CSTPP1: variants seen among roughly 807,000 people sequenced by gnomAD.
CSTPP1 encodes centriolar satellite-associated tubulin polyglutamylase complex regulator 1.
the CSTPP1 span, among the ~76,000 whole-genome samples, chr11:46,963,599 C>T: frequency 1.3e-4 from 19 of 151,926 alleles, no homozygotes; most frequent in Non-Finnish European, 2.8e-4. Flanking sequence ...GCCTGGCCAA[C>T]ATGGTGAAAC....
the CSTPP1 span, among the ~76,000 whole-genome samples, chr11:47,051,108 TC>T: frequency 3.3e-5 from 5 of 151,998 alleles, no homozygotes; most frequent in African/African-American, 4.8e-5. Context: ...GTCAGATTTT[TC>T]CCCCCCTTTA....
the CSTPP1 span, among the ~76,000 whole-genome samples, chr11:47,027,068 G>C: frequency 5.9e-5 from 9 of 152,124 alleles, no homozygotes; most frequent in Non-Finnish European, 1.0e-4. Flanking sequence ...TATGTGTGCA[G>C]TAACCTTTTC....
the CSTPP1 span, among the ~76,000 whole-genome samples, chr11:46,979,474 G>A: frequency 1.3e-5 from 2 of 152,158 alleles, no homozygotes; most frequent in Non-Finnish European, 2.9e-5. Flanking sequence ...TTATTGCCAT[G>A]ACAAATATTA....
At chr11:46,955,389 G>A in the CSTPP1 span, among the ~76,000 whole-genome samples, 22 of 147,266 alleles carry the variant, frequency 1.5e-4, no homozygotes, top group African/African-American at 4.5e-4. Context: ...TTTCGAGACA[G>A]GGTCTTGCTC....
the CSTPP1 span, among the ~76,000 whole-genome samples, chr11:47,058,683 GT>G: frequency 5.3e-5 from 8 of 152,102 alleles, no homozygotes; most frequent in African/African-American, 1.9e-4. Context: ...TATGTGTTAG[GT>G]AGATGCTATT....
At chr11:47,075,456 T>C in the CSTPP1 span, among the ~76,000 whole-genome samples, 4 of 152,030 alleles carry the variant, frequency 2.6e-5, no homozygotes, top group East Asian at 7.7e-4. Context: ...AAGGAAGACA[T>C]GACAGGAAAT....
chr11:46,990,977 T>C, the CSTPP1 span, among the ~76,000 whole-genome samples: 2 of 152,172 alleles, frequency 1.3e-5, no homozygotes, highest in African/African-American at 4.8e-5. Context: ...GTACTTTCCA[T>C]TGGTCTATGT....
chr11:47,032,900 A>G, the CSTPP1 span, among the ~76,000 whole-genome samples: 1 of 152,224 alleles, frequency 6.6e-6, no homozygotes, highest in Non-Finnish European at 1.5e-5. Context: ...ATAGTCTACT[A>G]TTGACCTTAC....
the CSTPP1 span, among the ~76,000 whole-genome samples, chr11:47,027,307 G>T: frequency 5.3e-5 from 8 of 152,226 alleles, no homozygotes; most frequent in South Asian, 1.7e-3. Flanking sequence ...AAGTTTGAGG[G>T]CTTCAAAGGG....
At chr11:46,964,886 G>A in the CSTPP1 span, among the ~76,000 whole-genome samples, 258 of 152,122 alleles carry the variant, frequency 1.7e-3, no homozygotes, top group African/African-American at 6.0e-3. Context: ...TTCATCTCCC[G>A]GGACTGACTA....
At chr11:46,985,360 A>T in the CSTPP1 span, among the ~76,000 whole-genome samples, 1 of 152,208 alleles carries the variant, frequency 6.6e-6, no homozygotes, top group South Asian at 2.1e-4. Flanking sequence ...ACCAATATTT[A>T]TAAATTTTAG....
chr11:47,105,293 C>T, the CSTPP1 span, among the ~76,000 whole-genome samples: 3 of 152,184 alleles, frequency 2.0e-5, no homozygotes, highest in South Asian at 6.2e-4. Flanking sequence ...TGAGGGGTTC[C>T]AGACTAGCCT....
At chr11:47,162,646 G>A in the CSTPP1 span, among the ~76,000 whole-genome samples, 10 of 152,140 alleles carry the variant, frequency 6.6e-5, no homozygotes, top group Non-Finnish European at 1.2e-4. Flanking sequence ...AGCCAAGACT[G>A]GAGGCAGGTA....
the CSTPP1 span, among the ~76,000 whole-genome samples, chr11:47,014,721 GAGAA>G: frequency 1.5e-5 from 2 of 135,790 alleles, no homozygotes; most frequent in African/African-American, 2.7e-5. Flanking sequence ...GAGAAAGAGA[GAGAA>G]AGAAAGAGAG....
chr11:46,953,672 A>C, the CSTPP1 span, among the ~76,000 whole-genome samples: 2 of 152,228 alleles, frequency 1.3e-5, no homozygotes, highest in African/African-American at 4.8e-5. Flanking sequence ...TATAATGTCA[A>C]CTTTCATTAT....
At chr11:47,102,759 A>C in the CSTPP1 span, among the ~76,000 whole-genome samples, 1 of 152,238 alleles carries the variant, frequency 6.6e-6, no homozygotes, top group South Asian at 2.1e-4. Context: ...TTATTCCTTC[A>C]GTCTGAGAGG....
chr11:47,034,088 T>C, the CSTPP1 span, among the ~76,000 whole-genome samples: 1 of 151,494 alleles, frequency 6.6e-6, no homozygotes. Flanking sequence ...ACCCTAGAAC[T>C]TAAAGTATAA....
chr11:46,964,146 C>T, the CSTPP1 span, among the ~76,000 whole-genome samples: 2 of 152,142 alleles, frequency 1.3e-5, no homozygotes, highest in African/African-American at 4.8e-5. Flanking sequence ...TTCACTAACT[C>T]CCCATGTTAG....
chr11:46,951,012 G>A, the CSTPP1 span, among the ~76,000 whole-genome samples: 2 of 152,082 alleles, frequency 1.3e-5, no homozygotes, highest in African/African-American at 4.8e-5. Context: ...CAGCAGTCTC[G>A]TTCAGTCCTC....
Sources: gnomAD v4.1 joint callset for allele counts (sites outside exome capture counted in the v4.1 genomes callset) on GRCh38, gnomAD v4.1.1 for gene constraint, MANE v1.5 for transcripts, NCBI Gene and HGNC (gene_info 2026-07-23, HGNC 2026-07-21) for gene names.